CARD14: variants seen among roughly 807,000 people sequenced by gnomAD.
The protein encoded by CARD14 is caspase recruitment domain-containing protein 14.
Under a neutral mutation model 111.5 loss-of-function variants are expected in CARD14, and 107 were observed. The ratio of observed to expected loss-of-function variants is 0.96; its 90% confidence interval spans 0.82 to 1.13. The LOEUF (loss-of-function observed/expected upper bound fraction) is 1.13. CARD14 is among the 50% of genes most tolerant of loss of function. The pLI is 0.00. For synonymous variants in CARD14, 617 were observed against 579.6 expected (o/e 1.06, Z -0.93); for missense variants, 1,322 against 1,362.3 (o/e 0.97, Z 0.47).
At chr17:80,194,935 G>A (rs911990044) in intron 12 of CARD14, among the ~76,000 whole-genome samples, 22 of 152,256 alleles carry the variant, frequency 1.4e-4, no homozygotes, top group African/African-American at 4.8e-4. Context: ...CAGATTTATC[G>A]TGAGAACTAA....
At chr17:80,202,651 T>C in intron 18 of CARD14, 1 of 1,372,722 alleles carries the variant, frequency 7.3e-7, no homozygotes, top group Non-Finnish European at 9.5e-7. Flanking sequence ...TCTGGGTTTC[T>C]TAGCTCTGGG....
At chr17:80,196,496 G>A (rs905313510) in intron 14 of CARD14, 10 of 152,194 alleles carry the variant, frequency 6.6e-5, no homozygotes, top group African/African-American at 2.2e-4. Context: ...TACTTTTAGT[G>A]GAATTGACCT....
Position 80,191,485 on chromosome 17 carries a change from GGCTGACCCGA to G in CARD14, c.1239+18_1239+27del. The G allele has an allele frequency of 6.2e-7, 1 of 1,606,246 alleles. No homozygotes were observed. Among genetic ancestry groups the G allele is most frequent in the Non-Finnish European group, 8.5e-7 (1 of 1,174,326 alleles). ...GCCTCCGGGTGTGGTGAGTGTTCCC[GGCTGACCCGA>G]GCTGGAGGCCAGGCAGGGGCTGCGG... On this transcript the variant is annotated intron_variant, in intron 11 of 23. Transcript: ENST00000648509.
rs1006924785 is a variant in CARD14, at chr17:80,189,164, G to A, written c.844-589G>A. 4.6e-5 allele frequency among the ~76,000 whole-genome samples: 7 copies of A among 152,154 alleles called. No individual in the cohort carries two copies. Among genetic ancestry groups the A allele is most frequent in the African/African-American group, 7.2e-5 (3 of 41,404 alleles). On this transcript the variant is annotated intron_variant, in intron 8 of 23. Transcript: ENST00000648509. The surrounding 1 kb of genome is among the most constrained non-coding windows in gnomAD (Gnocchi z 4.7). ...GCCAATTGTAAAGCATGGGATTCGCGTTAAGGATGGGGGAAAGAAACCTTT... is the reference window on the plus strand; with the variant it reads ...GCCAATTGTAAAGCATGGGATTCGCATTAAGGATGGGGGAAAGAAACCTTT...
At position 80,201,659 on chromosome 17, in the gene CARD14, G is replaced by A. The variant is rs768076822; in HGVS notation, c.1852-85G>A. 1.6e-5 allele frequency: 24 copies of A among 1,485,604 alleles called. No individual in the cohort carries two copies. Among genetic ancestry groups the A allele is most frequent in the South Asian group, 4.5e-5 (4 of 88,280 alleles). 92.0% of individuals were successfully genotyped at this position (1,485,604 alleles called of 1,614,324 possible). ...CTACGGCAGGGCTGGCCCGCGCCTCGCCTCAGTGCCCTCAGCGCCTTCTGT... is the reference window on the plus strand; with the variant it reads ...CTACGGCAGGGCTGGCCCGCGCCTCACCTCAGTGCCCTCAGCGCCTTCTGT... On this transcript the variant is annotated intron_variant, in intron 16 of 23. Transcript: ENST00000648509. This position sits in a 1 kb window ranked among gnomAD's most constrained non-coding sequence, Gnocchi z 5.0.
chr17:80,189,631 G>A lies in CARD14; in HGVS notation c.844-122G>A, dbSNP rs149842500. ...GCTTCTCTCCTGCCCGGTGTAGAGT[G>A]GCAAGACTGCATCCGTCCACACACC... On this transcript the variant is annotated intron_variant, in intron 8 of 23. Transcript: ENST00000648509. This position sits in a 1 kb window ranked among gnomAD's most constrained non-coding sequence, Gnocchi z 4.7. 0.014 allele frequency: 17,857 copies of A among 1,248,722 alleles called. 197 individuals are homozygous for A. The highest frequency in any genetic ancestry group is 0.042 in the South Asian group (2,300 of 54,862). The allele number at this position is 1,248,722 out of a possible 1,614,324, so 77.4% of individuals were successfully genotyped here.
rs1017179047 is a variant in CARD14 at position 80,183,781 on chromosome 17, C to T, written c.350-132C>T. 8.8e-6 allele frequency: 6 copies of T among 678,452 alleles called. No individual in the cohort carries two copies. In the African/African-American group the frequency reaches 1.1e-4, roughly 12 times the overall value. 42.0% of individuals were successfully genotyped at this position (678,452 alleles called of 1,614,324 possible). ...TCAGCTGCCCACATGCTCACCCGCC[C>T]ACATGCTCACCCGCCCACATGCTCA... is the stretch of plus-strand genomic sequence containing the variant. On this transcript the variant is annotated intron_variant, in intron 6 of 23. Transcript: ENST00000648509.
chr17:80,204,325 C>G lies in CARD14; in HGVS notation c.2382C>G (p.Asp794Glu), dbSNP rs141954518. 8 of 1,581,650 alleles carry G rather than the reference C, an allele frequency of 5.1e-6. No homozygotes were observed. Among genetic ancestry groups the G allele is most frequent in the Non-Finnish European group, 6.9e-6 (8 of 1,159,256 alleles). ...TGTCCTTTGACAGGGGCCAGTTGGACCCCAGCAGGATGGAGGGTGAGGCCT... is the reference window on the plus strand; with the variant it reads ...TGTCCTTTGACAGGGGCCAGTTGGAGCCCAGCAGGATGGAGGGTGAGGCCT... ...LRLSFDRGQL[D>E]PSRMEGSSTC... Residue 794 changes from aspartate (D) to glutamate (E), a missense_variant, in exon 20 of 24, where the codon GAC becomes GAG. Physicochemically the swap from Asp to Glu is conservative, Grantham distance 45. Transcript: ENST00000648509.
chr17:80,178,342 A>G (rs2040074335), intron 2 of CARD14, among the ~76,000 whole-genome samples, 166 bp from the exon 3 acceptor site: 2 of 152,206 alleles, frequency 1.3e-5, no homozygotes, highest in East Asian at 1.9e-4. Flanking sequence ...TTCAATAGTT[A>G]CTGGGAAAAC....
At chr17:80,200,221 T>C (rs2040895147) in intron 16 of CARD14, among the ~76,000 whole-genome samples, 1 of 147,246 alleles carries the variant, frequency 6.8e-6, no homozygotes, top group African/African-American at 2.5e-5. Context: ...AGCCTTTCTT[T>C]ACATGTCATT....
At chr17:80,202,011 C>G in intron 17 of CARD14, 141 bp downstream of exon 17, 1 of 1,278,296 alleles carries the variant, frequency 7.8e-7, no homozygotes, top group South Asian at 1.4e-5. Context: ...CCCCAGGTCC[C>G]CAGGAGGCCC....
At chr17:80,170,765 C>CTCCCCTCCCCTCCCGTCCCCTCCCG (rs2039876024) in intron 1 of CARD14, among the ~76,000 whole-genome samples, 1 of 85,324 alleles carries the variant, frequency 1.2e-5, no homozygotes, top group Non-Finnish European at 2.6e-5. Context: ...TCTCTGGGCC[C>CTCCCCTCCCCTCCCGTCCCCTCCCG]TCCCCTCCCC....
At chr17:80,185,241 G>C (rs1016226859) in intron 7 of CARD14, among the ~76,000 whole-genome samples, 1 of 151,744 alleles carries the variant, frequency 6.6e-6, no homozygotes, top group Non-Finnish European at 1.5e-5. Flanking sequence ...TTGAAATGGG[G>C]GGTTCTCATT....
chr17:80,186,555 G>C (rs2040350487), intron 7 of CARD14, among the ~76,000 whole-genome samples: 2 of 151,836 alleles, frequency 1.3e-5, no homozygotes, highest in Non-Finnish European at 2.9e-5. Context: ...TTTATTTTTT[G>C]GTTTGTTTTT....
chr17:80,201,556 G>A lies in CARD14; in HGVS notation c.1852-188G>A, dbSNP rs183783020. ...CTCTGGCCAGCACTATGTGTAGCAC[G>A]CATCACTAGAGGTGTGAAGGCCCCA... On this transcript the variant is annotated intron_variant, in intron 16 of 23. Transcript: ENST00000648509. This position sits in a 1 kb window ranked among gnomAD's most constrained non-coding sequence, Gnocchi z 5.0. 4.3e-4 allele frequency: 275 copies of A among 640,064 alleles called. 1 individual carries two copies. Among genetic ancestry groups the A allele is most frequent in the Non-Finnish European group, 6.4e-4 (229 of 358,930 alleles). The allele number at this position is 640,064 out of a possible 1,614,324, so 39.6% of individuals were successfully genotyped here.
chr17:80,198,970 A>C lies in CARD14; in HGVS notation c.1851+379A>C. 1 of 1,036,754 alleles carries C rather than the reference A, an allele frequency of 9.6e-7. No individual in the cohort carries two copies. The highest frequency in any genetic ancestry group is 1.2e-6 in the Non-Finnish European group (1 of 851,404). The allele number at this position is 1,036,754 out of a possible 1,614,324, so 64.2% of individuals were successfully genotyped here. On this transcript the variant is annotated intron_variant, in intron 16 of 23. Transcript: ENST00000648509. The surrounding 1 kb of genome is among the most constrained non-coding windows in gnomAD (Gnocchi z 7.5). ...CTTTTTTTTTGTTTGTTGTTTTGAA[A>C]CAGGGTCTCACTCTGTCACCCAGGC...
rs772291852 is a variant in CARD14, at chr17:80,195,181, C to T, written c.1357-10C>T. 4 of 1,592,470 alleles carry T rather than the reference C, an allele frequency of 2.5e-6. No homozygotes were observed. Among genetic ancestry groups the T allele is most frequent in the Admixed American group, 1.7e-5 (1 of 59,202 alleles). On this transcript the variant is annotated splice_polypyrimidine_tract_variant and intron_variant, in intron 12 of 23. Coordinates refer to ENST00000648509, the MANE Select transcript of CARD14 (RefSeq NM_001366385.1). The surrounding 1 kb of genome is among the most constrained non-coding windows in gnomAD (Gnocchi z 4.7). ...GCGTGCCCCACTGACTTCTGCCCTC[C>T]CTCCTCCAGTCTCAGCTCTTGTCGG...
rs758642695 is a variant in CARD14 at position 80,202,397 on chromosome 17, C to A, written c.2196C>A (p.His732Gln). ...NSYTMKDTAA[H>Q]GTIPNYSRAQ... The stretch of plus-strand genomic sequence containing the variant: ...ACACCATGAAGGATACTGCCGCGCA[C>A]GGCACCATCCCCAACTACTCCAGGT... The change falls in exon 18 of 24, where the codon CAC becomes CAA. Residue 732 changes from histidine to glutamine, a missense_variant. Coordinates refer to ENST00000648509, the MANE Select transcript of CARD14 (RefSeq NM_001366385.1). 6.2e-7 allele frequency: 1 copy of A among 1,612,746 alleles called. No homozygotes were observed. Among genetic ancestry groups the A allele is most frequent in the South Asian group, 1.1e-5 (1 of 91,066 alleles).
In CARD14 at chr17:80,204,582, C is replaced by T. The variant is rs1430554749; in HGVS notation, c.2398+241C>T. 69 of 424,752 alleles carry T rather than the reference C, an allele frequency of 1.6e-4. No individual in the cohort carries two copies. In the East Asian group the frequency reaches 2.6e-3, roughly 16 times the overall value. 26.3% of individuals were successfully genotyped at this position (424,752 alleles called of 1,614,324 possible). A position where few individuals can be genotyped will look rare whatever the true frequency, so the allele number is the denominator to read the frequency against. On this transcript the variant is annotated intron_variant, in intron 20 of 23. Transcript: ENST00000648509. ...GAGGTGGCAGTGAGCCGAGATGGTG[C>T]CATTGCACTCCAGCCTGGGCAATAA... is the stretch of plus-strand genomic sequence containing the variant.
Sources: gnomAD v4.1 joint callset for allele counts (sites outside exome capture counted in the v4.1 genomes callset) on GRCh38, gnomAD v4.1.1 for gene constraint, Gnocchi (gnomAD v3.1) non-coding constraint, MANE v1.5 for transcripts, NCBI Gene and HGNC (gene_info 2026-07-23, HGNC 2026-07-21) for gene names.